LRMDA: variants seen among roughly 807,000 people sequenced by gnomAD.
LRMDA encodes leucine-rich melanocyte differentiation-associated protein.
A neutral mutation model predicts 29.8 loss-of-function variants in LRMDA; 18 were observed. That is an observed-to-expected ratio of 0.60 (90% CI 0.42 to 0.90). The LOEUF (loss-of-function observed/expected upper bound fraction) is 0.90, where lower values mean the gene tolerates loss of function less well. Among genes scored for constraint, LRMDA ranks in the 40% least tolerant of loss-of-function variants. The probability of loss-of-function intolerance (pLI) is 0.00; values close to 1 mark genes in which losing one functional copy is unlikely to be tolerated. For missense variants in LRMDA, 273 were observed against 273.9 expected (o/e 1.00, Z 0.02); for synonymous variants, 125 against 109.4 (o/e 1.14, Z -0.89).
intron 5 of LRMDA, among the ~76,000 whole-genome samples, chr10:76,102,698 G>A (rs940090097): frequency 6.6e-5 from 10 of 152,138 alleles, no homozygotes; most frequent in Non-Finnish European, 1.2e-4. Context: ...TGTCACCCAA[G>A]CTGTACTGCA....
intron 4 of LRMDA, among the ~76,000 whole-genome samples, chr10:76,050,357 G>C (rs1297212113): frequency 2.6e-5 from 4 of 152,092 alleles, no homozygotes; most frequent in Admixed American, 1.3e-4. Flanking sequence ...GATTTTCTTG[G>C]CACACATCCC....
chr10:76,327,194 C>T (rs1024557538), intron 6 of LRMDA, among the ~76,000 whole-genome samples: 3 of 150,840 alleles, frequency 2.0e-5, no homozygotes, highest in East Asian at 2.0e-4. Flanking sequence ...TGGGTTCAAG[C>T]GATTCTCCTG....
intron 6 of LRMDA, among the ~76,000 whole-genome samples, chr10:76,487,521 TG>T (rs1163403398): frequency 1.3e-5 from 2 of 151,852 alleles, no homozygotes; most frequent in African/African-American, 2.4e-5. Context: ...GATAAGGGAA[TG>T]TCAAAGTAAA....
chr10:75,478,186 C>T (rs999425231), intron 2 of LRMDA, among the ~76,000 whole-genome samples: 1 of 152,188 alleles, frequency 6.6e-6, no homozygotes, highest in African/African-American at 2.4e-5. Flanking sequence ...GGCAGCTCTC[C>T]CCCAAGATTA....
intron 6 of LRMDA, among the ~76,000 whole-genome samples, chr10:76,433,337 C>A (rs1335243492): frequency 1.3e-5 from 2 of 152,158 alleles, no homozygotes; most frequent in Non-Finnish European, 2.9e-5. Flanking sequence ...CCCCCAAGTA[C>A]AAAGGTATCA....
At chr10:76,164,298 G>C (rs1372436903) in intron 5 of LRMDA, among the ~76,000 whole-genome samples, 1 of 152,106 alleles carries the variant, frequency 6.6e-6, no homozygotes. Flanking sequence ...GAATTTTTTA[G>C]ATTTACTTTT....
intron 2 of LRMDA, among the ~76,000 whole-genome samples, chr10:76,008,040 A>G (rs1847704123): frequency 6.6e-6 from 1 of 152,128 alleles, no homozygotes; most frequent in Non-Finnish European, 1.5e-5. Flanking sequence ...AGCAAGTGGC[A>G]GGCATTAGAA....
At chr10:75,802,978 T>A (rs1843784885) in intron 2 of LRMDA, among the ~76,000 whole-genome samples, 2 of 150,294 alleles carry the variant, frequency 1.3e-5, no homozygotes, top group African/African-American at 4.9e-5. Flanking sequence ...ATATATTTTT[T>A]TTTTTTTCTT....
At chr10:76,156,046 A>G (rs1034479384) in intron 5 of LRMDA, among the ~76,000 whole-genome samples, 1 of 152,194 alleles carries the variant, frequency 6.6e-6, no homozygotes. Context: ...AGGAAAAAAA[A>G]ATCACTTTCT....
intron 4 of LRMDA, among the ~76,000 whole-genome samples, chr10:76,055,081 A>G (rs966497987): frequency 4.0e-5 from 6 of 149,962 alleles, no homozygotes; most frequent in African/African-American, 1.5e-4. Flanking sequence ...AAAAAAAAAA[A>G]AAAAAAAAAA....
At chr10:76,129,595 AC>A (rs1166108373) in intron 5 of LRMDA, among the ~76,000 whole-genome samples, 1 of 152,110 alleles carries the variant, frequency 6.6e-6, no homozygotes. Context: ...AATACCCAGA[AC>A]CACTGTTCAC....
At chr10:75,941,886 C>T (rs927800526) in intron 2 of LRMDA, among the ~76,000 whole-genome samples, 1 of 152,178 alleles carries the variant, frequency 6.6e-6, no homozygotes, top group African/African-American at 2.4e-5. Flanking sequence ...TCACCAACTC[C>T]TTCTAGGCTC....
intron 5 of LRMDA, among the ~76,000 whole-genome samples, chr10:76,292,190 C>T (rs1456134949): frequency 6.6e-6 from 1 of 152,196 alleles, no homozygotes; most frequent in Non-Finnish European, 1.5e-5. Context: ...CATTTTAGTT[C>T]CTCCTATCTG....
At chr10:76,411,104 G>T (rs540169609) in intron 6 of LRMDA, among the ~76,000 whole-genome samples, 1 of 152,170 alleles carries the variant, frequency 6.6e-6, no homozygotes, top group Admixed American at 6.5e-5. Flanking sequence ...ATAACCATGA[G>T]AGGAAATTTT....
At chr10:75,659,997 GACT>G (rs1302478056) in intron 2 of LRMDA, among the ~76,000 whole-genome samples, 1 of 151,930 alleles carries the variant, frequency 6.6e-6, no homozygotes, top group East Asian at 1.9e-4. Context: ...AGTCATAGGC[GACT>G]TTCTCTTTCT....
At chr10:75,764,224 A>C (rs1843132813) in intron 2 of LRMDA, among the ~76,000 whole-genome samples, 2 of 152,140 alleles carry the variant, frequency 1.3e-5, no homozygotes, top group African/African-American at 4.8e-5. Context: ...GGAAGTCACC[A>C]AATAGTTTCT....
At chr10:76,521,818 C>T (rs542612076) in intron 6 of LRMDA, among the ~76,000 whole-genome samples, 3 of 152,264 alleles carry the variant, frequency 2.0e-5, no homozygotes, top group Non-Finnish European at 4.4e-5. Context: ...TTAGTTAGCT[C>T]TCATGTATTA....
At chr10:75,580,291 A>G (rs1290135753) in intron 2 of LRMDA, among the ~76,000 whole-genome samples, 3 of 152,196 alleles carry the variant, frequency 2.0e-5, no homozygotes. Flanking sequence ...ACAAACAGAG[A>G]GCCAAATCAT....
At chr10:75,749,885 C>T (rs780615204) in intron 2 of LRMDA, among the ~76,000 whole-genome samples, 55 of 152,134 alleles carry the variant, frequency 3.6e-4, no homozygotes, top group Admixed American at 5.9e-4. Context: ...TCTTGCTCCG[C>T]CCTTAATCCA....
Sources: allele counts gnomAD v4.1 joint callset (sites outside exome capture counted in the v4.1 genomes callset), GRCh38; gene constraint gnomAD v4.1.1; transcripts MANE v1.5; gene names NCBI Gene and HGNC (gene_info 2026-07-23, HGNC 2026-07-21).